Variants in CRPPA observed in about 807,000 individuals in gnomAD.
CRPPA encodes the protein D-ribitol-5-phosphate cytidylyltransferase.
CRPPA carries 43 observed loss-of-function variants against 52.0 expected under a neutral mutation model. The observed-to-expected ratio is 0.83, with a 90% CI of 0.65 to 1.07. The LOEUF (loss-of-function observed/expected upper bound fraction) is 1.07. CRPPA is among the 50% of genes least tolerant of loss of function. The probability of loss-of-function intolerance (pLI) is 0.00; values close to 1 mark genes in which losing one functional copy is unlikely to be tolerated. For missense variants in CRPPA, 629 were observed against 551.7 expected (o/e 1.14, Z -1.40); for synonymous variants, 250 against 203.5 (o/e 1.23, Z -1.94).
chr7:16,224,398 T>C (rs922389310), intron 8 of CRPPA, among the ~76,000 whole-genome samples: 1 of 152,180 alleles, frequency 6.6e-6, no homozygotes, highest in Admixed American at 6.6e-5. Context: ...GCAGAGTCTA[T>C]GTTCACAATA....
chr7:16,333,921 T>A (rs1489047461), intron 3 of CRPPA, among the ~76,000 whole-genome samples: 1 of 152,166 alleles, frequency 6.6e-6, no homozygotes, highest in East Asian at 1.9e-4. Context: ...CACGATGGTT[T>A]CTATGATGTT....
intron 8 of CRPPA, among the ~76,000 whole-genome samples, chr7:16,254,810 AAAGAAAGAAAGAAAG>A (rs1783580197): frequency 6.8e-6 from 1 of 146,674 alleles, no homozygotes; most frequent in East Asian, 2.0e-4. Context: ...AGAAAGAAAG[AAAGAAAGAAAGAAAG>A]AAAGAAAGAA....
At chr7:16,245,780 T>C (rs1364647542) in intron 8 of CRPPA, among the ~76,000 whole-genome samples, 5 of 152,206 alleles carry the variant, frequency 3.3e-5, no homozygotes, top group Non-Finnish European at 7.3e-5. Flanking sequence ...TCCCATGTCA[T>C]ATAAAAGTCA....
chr7:16,304,296 T>C (rs1404527861), intron 4 of CRPPA, among the ~76,000 whole-genome samples: 2 of 152,058 alleles, frequency 1.3e-5, no homozygotes, highest in Non-Finnish European at 2.9e-5. Context: ...ACCGTGGCCA[T>C]TTTCTACCCT....
chr7:16,311,280 TA>T (rs1785029311), intron 3 of CRPPA, among the ~76,000 whole-genome samples: 1 of 152,190 alleles, frequency 6.6e-6, no homozygotes. Flanking sequence ...TCCATCACTG[TA>T]GTTATTGTAC....
intron 8 of CRPPA, among the ~76,000 whole-genome samples, chr7:16,238,995 C>T (rs915446522): frequency 1.3e-5 from 2 of 151,744 alleles, no homozygotes; most frequent in African/African-American, 4.8e-5. Flanking sequence ...AAAAATTAGC[C>T]AGGTGTGGTG....
At chr7:16,213,768 C>A (rs1051095380) in intron 9 of CRPPA, among the ~76,000 whole-genome samples, 1 of 150,492 alleles carries the variant, frequency 6.6e-6, no homozygotes, top group Admixed American at 6.6e-5. Flanking sequence ...AAAAAAATTA[C>A]AGAACTGCTT....
At chr7:16,356,314 T>C (rs1410037243) in intron 3 of CRPPA, among the ~76,000 whole-genome samples, 35 of 152,250 alleles carry the variant, frequency 2.3e-4, no homozygotes, top group Non-Finnish European at 4.4e-5. Context: ...AACTCAGAAA[T>C]ATAGCACATC....
intron 9 of CRPPA, among the ~76,000 whole-genome samples, chr7:16,120,131 T>C (rs1178162020): frequency 6.6e-6 from 1 of 152,182 alleles, no homozygotes; most frequent in Non-Finnish European, 1.5e-5. Context: ...CCATTAGTAT[T>C]TACAGAGTAT....
intron 9 of CRPPA, among the ~76,000 whole-genome samples, chr7:16,178,061 C>CA (rs5882558): frequency 0.057 from 7,796 of 136,738 alleles, 452 homozygotes; most frequent in East Asian, 0.3. Context: ...TAAAAGAAGG[C>CA]AAAAAAAAAA....
Position 16,387,094 on chromosome 7 carries a change from T to C in CRPPA, c.535-10853A>G, listed in dbSNP as rs577341939. On this transcript the variant is annotated intron_variant, in intron 2 of 9. Transcript: ENST00000407010. ...ATATATATATATATATATACACACA[T>C]ATATATATGTATATACACACACACA... 3.0e-3 allele frequency among the ~76,000 whole-genome samples: 345 copies of C among 116,904 alleles called. 1 individual carries two copies. The highest frequency in any genetic ancestry group is 4.6e-3 in the Non-Finnish European group (265 of 57,074). 76.7% of individuals were successfully genotyped at this position (116,904 alleles called of 152,430 possible). A position where few individuals can be genotyped will look rare whatever the true frequency, so the allele number is the denominator to read the frequency against.
chr7:16,169,576 T>C (rs1781135607), intron 9 of CRPPA, among the ~76,000 whole-genome samples: 1 of 152,202 alleles, frequency 6.6e-6, no homozygotes, highest in Admixed American at 6.5e-5. Flanking sequence ...AAGCATGAAA[T>C]TGTAAGGCTT....
At chr7:16,152,236 T>C (rs1783089214) in intron 9 of CRPPA, among the ~76,000 whole-genome samples, 1 of 151,946 alleles carries the variant, frequency 6.6e-6, no homozygotes, top group Non-Finnish European at 1.5e-5. Context: ...AAGATAAAAC[T>C]GGGAATAAAA....
chr7:16,329,357 T>C (rs549100469), intron 3 of CRPPA, among the ~76,000 whole-genome samples: 1 of 147,656 alleles, frequency 6.8e-6, no homozygotes, highest in Non-Finnish European at 1.5e-5. Context: ...TCCAGAAATA[T>C]CAAAATAGAT....
chr7:16,167,620 T>C (rs1319520632), intron 9 of CRPPA, among the ~76,000 whole-genome samples: 1 of 152,180 alleles, frequency 6.6e-6, no homozygotes, highest in Non-Finnish European at 1.5e-5. Flanking sequence ...ACTTTCTGCT[T>C]ATCAGCTGTC....
At chr7:16,272,894 G>T (rs1784120298) in intron 6 of CRPPA, among the ~76,000 whole-genome samples, 1 of 151,538 alleles carries the variant, frequency 6.6e-6, no homozygotes, top group Non-Finnish European at 1.5e-5. Context: ...GGAAATCATA[G>T]GGTTATTTTT....
At chr7:16,285,809 G>A (rs889570042) in intron 5 of CRPPA, among the ~76,000 whole-genome samples, 17 of 150,984 alleles carry the variant, frequency 1.1e-4, no homozygotes, top group African/African-American at 4.1e-4. Context: ...GATCACCTGA[G>A]GTCAGGAGTA....
At chr7:16,106,951 A>C (rs1159278111) in intron 9 of CRPPA, among the ~76,000 whole-genome samples, 6 of 152,152 alleles carry the variant, frequency 3.9e-5, no homozygotes, top group Non-Finnish European at 8.8e-5. Context: ...AATTAGATAA[A>C]AATCCTAGAA....
At chr7:16,378,658 T>C (rs1168547523) in intron 2 of CRPPA, among the ~76,000 whole-genome samples, 7 of 151,430 alleles carry the variant, frequency 4.6e-5, no homozygotes, top group African/African-American at 7.3e-5. Context: ...ATGGTATTTC[T>C]AGTTCTAGAT....
Sources: gnomAD v4.1 joint callset for allele counts (sites outside exome capture counted in the v4.1 genomes callset) on GRCh38, gnomAD v4.1.1 for gene constraint, MANE v1.5 for transcripts, NCBI Gene and HGNC (gene_info 2026-07-23, HGNC 2026-07-21) for gene names.